ASTN2: variants seen among roughly 807,000 people sequenced by gnomAD.
ASTN2 encodes the protein astrotactin-2.
Under a neutral mutation model 139.8 loss-of-function variants are expected in ASTN2, and 54 were observed. The observed-to-expected ratio is 0.39, with a 90% CI of 0.31 to 0.48. The LOEUF (loss-of-function observed/expected upper bound fraction) is 0.48. Among genes scored for constraint, ASTN2 ranks in the 20% least tolerant of loss-of-function variants. The pLI, the probability that ASTN2 is intolerant of heterozygous loss-of-function variation, is 0.95. For synonymous variants in ASTN2, 756 were observed against 719.5 expected (o/e 1.05, Z -0.81); for missense variants, 1,565 against 1,725.1 (o/e 0.91, Z 1.64).
chr9:116,748,060 C>A (rs576925343), intron 13 of ASTN2, among the ~76,000 whole-genome samples: 6 of 152,288 alleles, frequency 3.9e-5, no homozygotes, highest in African/African-American at 1.4e-4. Flanking sequence ...CTTTCCCCTC[C>A]ACTACTCAAG....
At chr9:116,954,122 T>A (rs1448786622) in intron 10 of ASTN2, among the ~76,000 whole-genome samples, 4 of 152,192 alleles carry the variant, frequency 2.6e-5, no homozygotes, top group African/African-American at 9.7e-5. Context: ...GGCATTCAGG[T>A]GTTTCATTTT....
intron 10 of ASTN2, among the ~76,000 whole-genome samples, chr9:116,898,022 G>C (rs987403410): frequency 6.6e-6 from 1 of 152,088 alleles, no homozygotes; most frequent in Non-Finnish European, 1.5e-5. Context: ...TATGAAAGCA[G>C]AATTGATTCA....
chr9:116,626,154 G>GTTTTTTTTTTTTTTTTT (rs751026997), intron 17 of ASTN2, among the ~76,000 whole-genome samples: 1 of 34,414 alleles, frequency 2.9e-5, no homozygotes, highest in Non-Finnish European at 5.6e-5. Context: ...TAGTTTTTGT[G>GTTTTTTTTTTTTTTTTT]TTTTTTTTTT....
intron 10 of ASTN2, among the ~76,000 whole-genome samples, chr9:116,955,936 C>A (rs374206310): frequency 2.6e-5 from 4 of 152,154 alleles, no homozygotes; most frequent in African/African-American, 9.7e-5. Flanking sequence ...AGTCAACATG[C>A]TATCATGGGG....
intron 5 of ASTN2, among the ~76,000 whole-genome samples, chr9:117,045,445 T>C (rs1450129104): frequency 2.6e-5 from 4 of 152,070 alleles, no homozygotes; most frequent in South Asian, 2.1e-4. Context: ...CCCGGGCATA[T>C]TGATTGCTGG....
At chr9:117,406,439 C>T (rs1830990404) in intron 1 of ASTN2, among the ~76,000 whole-genome samples, 1 of 152,138 alleles carries the variant, frequency 6.6e-6, no homozygotes. Context: ...TCTGTACAGC[C>T]CTACATGACT....
At chr9:116,549,929 G>T (rs544892937) in intron 19 of ASTN2, among the ~76,000 whole-genome samples, 3 of 152,198 alleles carry the variant, frequency 2.0e-5, no homozygotes, top group African/African-American at 7.2e-5. Flanking sequence ...CCAACCTTAA[G>T]ACATTTACTA....
chr9:116,855,054 A>G (rs141602160), intron 11 of ASTN2, among the ~76,000 whole-genome samples: 9 of 152,114 alleles, frequency 5.9e-5, no homozygotes, highest in Non-Finnish European at 1.2e-4. Context: ...ACAGATAATG[A>G]CTTCCACACA....
intron 19 of ASTN2, among the ~76,000 whole-genome samples, chr9:116,549,451 C>A (rs967130977): frequency 2.0e-5 from 3 of 152,184 alleles, no homozygotes; most frequent in African/African-American, 7.2e-5. Context: ...GCAACCCGGG[C>A]AAGAGCTCTG....
At chr9:117,112,620 T>TTACAGAAGTAAATGTAAAAGATAA (rs1829278153) in intron 4 of ASTN2, among the ~76,000 whole-genome samples, 1 of 152,088 alleles carries the variant, frequency 6.6e-6, no homozygotes, top group Admixed American at 6.5e-5. Flanking sequence ...TCAAAATGGA[T>TTACAGAAGTAAATGTAAAAGATAA]TACAGAAGTA....
chr9:116,588,146 C>A (rs1227092462), intron 19 of ASTN2, among the ~76,000 whole-genome samples: 1 of 152,108 alleles, frequency 6.6e-6, no homozygotes, highest in Non-Finnish European at 1.5e-5. Context: ...AAATATCTAC[C>A]CGCTGCTTTC....
chr9:117,084,489 C>A (rs143896727), intron 5 of ASTN2, among the ~76,000 whole-genome samples: 274 of 152,314 alleles, frequency 1.8e-3, no homozygotes, highest in African/African-American at 6.4e-3. Context: ...CCAATTCAAG[C>A]CACAGCTACG....
chr9:116,799,406 AG>A (rs1830782555), intron 13 of ASTN2, among the ~76,000 whole-genome samples: 1 of 152,184 alleles, frequency 6.6e-6, no homozygotes. Context: ...AAGATTGAAA[AG>A]TCCCTTTCTA....
intron 17 of ASTN2, among the ~76,000 whole-genome samples, chr9:116,634,603 A>AAAAT (rs1205691743): frequency 3.8e-4 from 57 of 151,290 alleles, no homozygotes; most frequent in African/African-American, 1.3e-3. Context: ...AAAAAAAAAA[A>AAAAT]AAAAAAAAAA....
intron 11 of ASTN2, among the ~76,000 whole-genome samples, chr9:116,860,483 T>C (rs2026586): frequency 0.89 from 134,899 of 152,254 alleles, 59,847 homozygotes; most frequent in East Asian, 0.94. Context: ...TACTGTTGCT[T>C]CCTTTTGAAA....
chr9:116,667,269 A>C (rs1485786572), intron 16 of ASTN2, among the ~76,000 whole-genome samples: 1 of 152,130 alleles, frequency 6.6e-6, no homozygotes, highest in Non-Finnish European at 1.5e-5. Flanking sequence ...ATCCGTATTT[A>C]AATATACAGA....
At chr9:117,171,872 A>G (rs1346317937) in intron 3 of ASTN2, among the ~76,000 whole-genome samples, 2 of 152,154 alleles carry the variant, frequency 1.3e-5, no homozygotes. Flanking sequence ...CTAATACACT[A>G]TCTAAACATT....
At chr9:116,788,297 T>C (rs542694648) in intron 13 of ASTN2, among the ~76,000 whole-genome samples, 1 of 152,286 alleles carries the variant, frequency 6.6e-6, no homozygotes, top group South Asian at 2.1e-4. Context: ...ATGGATTATA[T>C]ATTTCAAAAA....
At chr9:117,282,807 G>A (rs1172391247) in intron 2 of ASTN2, among the ~76,000 whole-genome samples, 1 of 148,248 alleles carries the variant, frequency 6.7e-6, no homozygotes, top group East Asian at 1.9e-4. Flanking sequence ...GACTGCAGCT[G>A]CCGATGTGTA....
Sources: allele counts gnomAD v4.1 joint callset (sites outside exome capture counted in the v4.1 genomes callset), GRCh38; gene constraint gnomAD v4.1.1; transcripts MANE v1.5; gene names NCBI Gene and HGNC (gene_info 2026-07-23, HGNC 2026-07-21).